Variants in XIRP2 observed in about 807,000 individuals in gnomAD.
The protein encoded by XIRP2 is xin actin binding repeat containing 2.
XIRP2 carries 236 observed loss-of-function variants against 277.0 expected under a neutral mutation model. That is an observed-to-expected ratio of 0.85 (90% CI 0.77 to 0.95). The LOEUF is 0.95. Among genes scored for constraint, XIRP2 ranks in the 40% least tolerant of loss-of-function variants. XIRP2 has a pLI of 0.00. For missense variants in XIRP2, 4,640 were observed against 4,157.5 expected, an observed-to-expected ratio of 1.12 and a Z score of -3.19; for synonymous variants, 1,490 against 1,416.5, an observed-to-expected ratio of 1.05 and a Z score of -1.17.
intron 2 of XIRP2, among the ~76,000 whole-genome samples, chr2:167,113,796 T>C (rs958846111): frequency 6.6e-6 from 1 of 152,218 alleles, no homozygotes; most frequent in East Asian, 1.9e-4. Flanking sequence ...TTTCCATAGT[T>C]AGTGATTCTT....
At chr2:166,915,823 C>T (rs1451968363) in intron 2 of XIRP2, among the ~76,000 whole-genome samples, 1 of 152,122 alleles carries the variant, frequency 6.6e-6, no homozygotes, top group East Asian at 1.9e-4. Flanking sequence ...GTTGAGTTTA[C>T]CTAATTCTCA....
intron 2 of XIRP2, among the ~76,000 whole-genome samples, chr2:167,117,057 A>G (rs1176806298): frequency 3.3e-5 from 5 of 152,230 alleles, no homozygotes; most frequent in African/African-American, 1.2e-4. Context: ...GAGTTAGAAA[A>G]TGCCTCTTGA....
intron 3 of XIRP2, among the ~76,000 whole-genome samples, chr2:167,138,222 A>T (rs1691612285): frequency 6.6e-6 from 1 of 152,210 alleles, no homozygotes; most frequent in Admixed American, 6.5e-5. Flanking sequence ...TATGAAAAAC[A>T]GTAGATTTTT....
intron 3 of XIRP2, among the ~76,000 whole-genome samples, chr2:167,183,239 C>A (rs1053221284): frequency 1.3e-5 from 2 of 152,142 alleles, no homozygotes; most frequent in African/African-American, 4.8e-5. Flanking sequence ...AAGAAAGCAA[C>A]TGTACTAGAA....
At chr2:167,050,107 C>T (rs1688880675) in intron 2 of XIRP2, among the ~76,000 whole-genome samples, 1 of 152,058 alleles carries the variant, frequency 6.6e-6, no homozygotes, top group Admixed American at 6.6e-5. Context: ...GAACAGTATA[C>T]TATTCACTTT....
chr2:167,146,580 A>G (rs1002661336), intron 3 of XIRP2, among the ~76,000 whole-genome samples: 1 of 152,102 alleles, frequency 6.6e-6, no homozygotes, highest in Non-Finnish European at 1.5e-5. Flanking sequence ...TTATGCAAAT[A>G]TGAAAGAAAG....
intron 2 of XIRP2, among the ~76,000 whole-genome samples, chr2:166,927,926 C>A (rs1050733893): frequency 4.6e-5 from 7 of 151,976 alleles, no homozygotes; most frequent in African/African-American, 1.7e-4. Context: ...GTTCATCTAG[C>A]TGGAGGGGAA....
chr2:167,202,656 T>A (rs1693755423), intron 3 of XIRP2, among the ~76,000 whole-genome samples: 1 of 152,200 alleles, frequency 6.6e-6, no homozygotes, highest in Non-Finnish European at 1.5e-5. Flanking sequence ...TTTAAAAGTA[T>A]CCAGTATGTA....
Position 167,220,306 on chromosome 2 carries a change from C to T in XIRP2, c.858+2006C>T, listed in dbSNP as rs571094036. On this transcript the variant is annotated intron_variant, in intron 5 of 10. Coordinates refer to ENST00000409195, the MANE Select transcript of XIRP2 (RefSeq NM_152381.6). ...AGCTAGGTCATTTGGGTTCAAATTC[C>T]TGCTCCTTTATTTATTAACTGTTTG... 6.6e-5 allele frequency among the ~76,000 whole-genome samples: 10 copies of T among 152,230 alleles called. 1 individual carries two copies. Among genetic ancestry groups the T allele is most frequent in the Admixed American group, 5.2e-4 (8 of 15,292 alleles).
intron 2 of XIRP2, among the ~76,000 whole-genome samples, chr2:166,910,545 G>A (rs548817222): frequency 1.3e-4 from 20 of 151,786 alleles, no homozygotes; most frequent in South Asian, 1.3e-3. Context: ...CAATTTTGTC[G>A]ATCCTTTCAA....
intron 3 of XIRP2, among the ~76,000 whole-genome samples, chr2:167,153,986 T>G (rs1408113773): frequency 6.6e-6 from 1 of 150,740 alleles, no homozygotes; most frequent in African/African-American, 2.5e-5. Flanking sequence ...ATCGCCACAC[T>G]GACTTCCACA....
At chr2:167,190,073 C>T (rs1375129791) in intron 3 of XIRP2, among the ~76,000 whole-genome samples, 1 of 152,182 alleles carries the variant, frequency 6.6e-6, no homozygotes, top group African/African-American at 2.4e-5. Context: ...GGAAGAGATG[C>T]ATAGGGCAAG....
At chr2:166,911,138 A>G (rs1470953618) in intron 2 of XIRP2, among the ~76,000 whole-genome samples, 1 of 152,108 alleles carries the variant, frequency 6.6e-6, no homozygotes, top group Non-Finnish European at 1.5e-5. Flanking sequence ...TCCGCTTGTT[A>G]CAGAGCTGAG....
At chr2:167,238,805 A>G (rs1208853034) in intron 5 of XIRP2, among the ~76,000 whole-genome samples, 1 of 152,188 alleles carries the variant, frequency 6.6e-6, no homozygotes, top group Non-Finnish European at 1.5e-5. Flanking sequence ...TATTGTAAAG[A>G]GTCATCTGTC....
chr2:167,013,411 T>G (rs982798564), intron 2 of XIRP2, among the ~76,000 whole-genome samples: 10 of 151,576 alleles, frequency 6.6e-5, no homozygotes, highest in African/African-American at 2.4e-4. Context: ...CGGTCTTAAA[T>G]AAACATAAGA....
intron 3 of XIRP2, among the ~76,000 whole-genome samples, chr2:167,190,794 G>A (rs73027839): frequency 0.081 from 12,303 of 152,168 alleles, 542 homozygotes; most frequent in South Asian, 0.15. Flanking sequence ...CATATTTAAT[G>A]ACTCTTGGGG....
intron 5 of XIRP2, among the ~76,000 whole-genome samples, chr2:167,228,156 C>G (rs1009782069): frequency 6.6e-6 from 1 of 152,164 alleles, no homozygotes; most frequent in Non-Finnish European, 1.5e-5. Context: ...CTTCTGTGTT[C>G]TACTAACATG....
At chr2:166,897,113 A>G (rs531970519) in intron 1 of XIRP2, among the ~76,000 whole-genome samples, 2 of 152,322 alleles carry the variant, frequency 1.3e-5, no homozygotes, top group African/African-American at 2.4e-5. Flanking sequence ...ACATTAAGCA[A>G]CACACTACTG....
chr2:166,907,384 A>G (rs895443113), intron 2 of XIRP2, among the ~76,000 whole-genome samples: 1 of 152,152 alleles, frequency 6.6e-6, no homozygotes, highest in African/African-American at 2.4e-5. Context: ...GTAACAAACC[A>G]CCCCAAAAAT....
Sources: allele counts gnomAD v4.1 joint callset (sites outside exome capture counted in the v4.1 genomes callset), GRCh38; gene constraint gnomAD v4.1.1; transcripts MANE v1.5; gene names NCBI Gene and HGNC (gene_info 2026-07-23, HGNC 2026-07-21).